NCAM1: variants seen among roughly 807,000 people sequenced by gnomAD.
NCAM1 encodes antigen recognized by monoclonal antibody 5.1H11.
A neutral mutation model predicts 109.8 loss-of-function variants in NCAM1; 14 were observed. The ratio of observed to expected loss-of-function variants is 0.13; its 90% CI spans 0.08 to 0.20. The LOEUF (loss-of-function observed/expected upper bound fraction) is 0.20. NCAM1 is among the 10% of genes least tolerant of loss of function. The pLI is 1.00. For synonymous variants in NCAM1, 418 were observed against 442.9 expected, an observed-to-expected ratio of 0.94 and a Z score of 0.70; for missense variants, 774 against 1,109.9, an observed-to-expected ratio of 0.70 and a Z score of 4.30.
At chr11:113,133,080 T>C (rs2136134998) in intron 1 of NCAM1, 1 of 152,272 alleles carries the variant, frequency 6.6e-6, no homozygotes, top group South Asian at 2.1e-4. Context: ...GGAGGAATTA[T>C]GTCCTATGTG....
chr11:113,103,503 C>G (rs1348964199), intron 1 of NCAM1, among the ~76,000 whole-genome samples: 1 of 152,180 alleles, frequency 6.6e-6, no homozygotes, highest in East Asian at 1.9e-4. Flanking sequence ...CCAGTCAACT[C>G]TGTATGTGTG....
chr11:113,275,561 C>T lies in NCAM1; in HGVS notation c.*174C>T, dbSNP rs1591481156. The T allele has an allele frequency of 5.1e-6, 4 of 779,636 alleles. No homozygotes were observed. The East Asian group carries it at 1.2e-4, about 23-fold the overall frequency. 48.3% of individuals were successfully genotyped at this position (779,636 alleles called of 1,614,324 possible). A position where few individuals can be genotyped will look rare whatever the true frequency, so the allele number is the denominator to read the frequency against. On this transcript the variant is annotated 3_prime_UTR_variant, in exon 20 of 20. Coordinates refer to ENST00000316851, the MANE Select transcript of NCAM1 (RefSeq NM_181351.5). Reference sequence around the variant, plus strand: ...TTTAAAAAAAACTAAACAGATAAAACATGGGAATCTCCTTTTTGTAGGTTT... The same window carrying T: ...TTTAAAAAAAACTAAACAGATAAAATATGGGAATCTCCTTTTTGTAGGTTT...
intron 1 of NCAM1, among the ~76,000 whole-genome samples, chr11:113,045,448 C>G (rs1248595331): frequency 6.6e-6 from 1 of 152,172 alleles, no homozygotes; most frequent in Non-Finnish European, 1.5e-5. Flanking sequence ...ACTCAGACAT[C>G]TTGGCGCCCT....
At chr11:113,160,310 A>G (rs1942559094) in intron 1 of NCAM1, among the ~76,000 whole-genome samples, 1 of 152,146 alleles carries the variant, frequency 6.6e-6, no homozygotes, top group Non-Finnish European at 1.5e-5. Flanking sequence ...AGAGAATGAG[A>G]TTGTACCTCC....
At chr11:113,240,867 G>A (rs991194698) in intron 14 of NCAM1, 26 of 1,597,446 alleles carry the variant, frequency 1.6e-5, no homozygotes, top group Admixed American at 3.3e-5. Flanking sequence ...TCTCTCTGCA[G>A]GTCACTTTCC....
At position 113,132,034 on chromosome 11, in the gene NCAM1, A is replaced by G. The variant is rs553163608; in HGVS notation, c.53-70345A>G. Among the ~76,000 whole-genome samples the G allele has an allele frequency of 2.2e-3, 336 of 152,308 alleles. 3 individuals are homozygous for G. Among genetic ancestry groups the G allele is most frequent in the African/African-American group, 7.8e-3 (326 of 41,574 alleles). On this transcript the variant is annotated intron_variant, in intron 1 of 19. Transcript: ENST00000316851. Reference sequence around the variant, plus strand: ...GTCTTCTGTGCTTGTTTCTGTTCAGATGAGGAGAGGGACAGAGATGGTTTT... The same window carrying G: ...GTCTTCTGTGCTTGTTTCTGTTCAGGTGAGGAGAGGGACAGAGATGGTTTT...
intron 1 of NCAM1, among the ~76,000 whole-genome samples, chr11:113,166,659 T>C (rs1555105323): frequency 6.6e-6 from 1 of 152,124 alleles, no homozygotes; most frequent in Non-Finnish European, 1.5e-5. Flanking sequence ...ATGACTTTGT[T>C]AGATCATGGG....
chr11:113,028,827 T>C (rs113755198), intron 1 of NCAM1, among the ~76,000 whole-genome samples: 108 of 152,340 alleles, frequency 7.1e-4, no homozygotes, highest in African/African-American at 2.5e-3. Flanking sequence ...TTACATCCAC[T>C]TTTATTTTTC....
At chr11:113,089,557 A>C (rs1555088985) in intron 1 of NCAM1, among the ~76,000 whole-genome samples, 1 of 152,150 alleles carries the variant, frequency 6.6e-6, no homozygotes, top group Non-Finnish European at 1.5e-5. Context: ...CCACCTCCCA[A>C]GTAGCTGAAA....
intron 1 of NCAM1, among the ~76,000 whole-genome samples, chr11:113,025,940 T>C (rs556004001): frequency 5.3e-5 from 8 of 152,240 alleles, no homozygotes; most frequent in African/African-American, 1.7e-4. Context: ...ACTATACATC[T>C]TGATGTAGTT....
At chr11:113,259,822 G>A (rs1555122946) in intron 16 of NCAM1, among the ~76,000 whole-genome samples, 1 of 150,216 alleles carries the variant, frequency 6.7e-6, no homozygotes, top group Non-Finnish European at 1.5e-5. Flanking sequence ...TCTTGCCTCA[G>A]CCTCCAGAGT....
At chr11:113,138,054 G>C (rs11820091) in intron 1 of NCAM1, among the ~76,000 whole-genome samples, 1 of 152,192 alleles carries the variant, frequency 6.6e-6, no homozygotes, top group African/African-American at 2.4e-5. Flanking sequence ...GAAAACAGCA[G>C]TGCGGGCCGT....
chr11:113,205,132 G>A (rs568827404), intron 3 of NCAM1, among the ~76,000 whole-genome samples: 1 of 152,332 alleles, frequency 6.6e-6, no homozygotes, highest in South Asian at 2.1e-4. Context: ...AGCAGTTCGA[G>A]TGGGAGACAA....
chr11:112,973,618 G>GT (rs1950937534), intron 1 of NCAM1, among the ~76,000 whole-genome samples: 1 of 152,052 alleles, frequency 6.6e-6, no homozygotes, highest in South Asian at 2.1e-4. Flanking sequence ...TTATTTATCT[G>GT]TGAATCAGGG....
chr11:113,108,589 C>T (rs1565441047), intron 1 of NCAM1, among the ~76,000 whole-genome samples: 1 of 152,052 alleles, frequency 6.6e-6, no homozygotes. Context: ...ACAAAAAGTT[C>T]TTTGTTAACC....
At chr11:113,158,560 T>C (rs1463746531) in intron 1 of NCAM1, among the ~76,000 whole-genome samples, 5 of 152,226 alleles carry the variant, frequency 3.3e-5, no homozygotes, top group Non-Finnish European at 7.4e-5. Context: ...TCTCCCCTTG[T>C]CCCTCCATCT....
In NCAM1 at chr11:113,276,463, C is replaced by T. The variant is rs976250741; in HGVS notation, c.*1076C>T. The T allele has an allele frequency of 6.6e-6, 1 of 152,664 alleles. No individual in the cohort carries two copies. Among genetic ancestry groups the T allele is most frequent in the African/African-American group, 2.4e-5 (1 of 41,466 alleles). The allele number at this position is 152,664 out of a possible 1,614,324, so 9.5% of individuals were successfully genotyped here. A position where few individuals can be genotyped will look rare whatever the true frequency, so the allele number is the denominator to read the frequency against. ...GGATCTGCTCCCAGGCGTTCTCACC[C>T]TTCTTTTGAAGGACTCCTTAGGCTT... On this transcript the variant is annotated 3_prime_UTR_variant, in exon 20 of 20. Transcript: ENST00000316851.
chr11:113,009,937 C>T (rs905520258), intron 1 of NCAM1, among the ~76,000 whole-genome samples: 2 of 152,144 alleles, frequency 1.3e-5, no homozygotes, highest in East Asian at 3.9e-4. Flanking sequence ...TTGTATTTAT[C>T]CACTGTCTAC....
In NCAM1 at chr11:113,032,135, C is replaced by A. The variant is rs1213396012; in HGVS notation, c.52+70471C>A. Among the ~76,000 whole-genome samples, 7 of 152,102 alleles carry A rather than the reference C, an allele frequency of 4.6e-5. 1 individual carries two copies. Among genetic ancestry groups the A allele is most frequent in the Admixed American group, 1.3e-4 (2 of 15,280 alleles). Reference sequence around the variant, plus strand: ...TTTTGTTTATTTTTAGAGATGAGGTCTCTCTATGTAACCCAGGCTGGTCTT... The same window carrying A: ...TTTTGTTTATTTTTAGAGATGAGGTATCTCTATGTAACCCAGGCTGGTCTT... On this transcript the variant is annotated intron_variant, in intron 1 of 19. Transcript: ENST00000316851.
Sources: allele counts gnomAD v4.1 joint callset (sites outside exome capture counted in the v4.1 genomes callset), GRCh38; gene constraint gnomAD v4.1.1; transcripts MANE v1.5; gene names NCBI Gene and HGNC (gene_info 2026-07-23, HGNC 2026-07-21).